TEC: variants seen among roughly 807,000 people sequenced by gnomAD.
The protein encoded by TEC is tec protein tyrosine kinase.
Under a neutral mutation model 93.0 loss-of-function variants are expected in TEC, and 72 were observed. The ratio of observed to expected loss-of-function variants is 0.77; its 90% CI spans 0.64 to 0.94. The LOEUF is 0.94. Ranked by LOEUF, TEC falls within the 40% of genes least tolerant of loss-of-function variation. The probability of loss-of-function intolerance (pLI) is 0.00; values close to 1 mark genes in which losing one functional copy is unlikely to be tolerated. For missense variants in TEC, 630 were observed against 757.9 expected (o/e 0.83, Z 1.98); for synonymous variants, 249 against 247.7 (o/e 1.01, Z -0.05).
chr4:48,155,948 A>T (rs1402664726), intron 9 of TEC: 1 of 152,244 alleles, frequency 6.6e-6, no homozygotes, highest in Non-Finnish European at 1.5e-5. Context: ...TACTTTTGAG[A>T]GCCAAACTGA....
At chr4:48,176,020 A>C in intron 3 of TEC, 62 bp downstream of exon 3, 1 of 1,277,810 alleles carries the variant, frequency 7.8e-7, no homozygotes, top group Non-Finnish European at 1.1e-6. Flanking sequence ...GGAAACTGTA[A>C]TGTCAAAGAG....
chr4:48,150,965 A>T (rs758243415), intron 9 of TEC, 23 bp from the exon 10 acceptor site: 114 of 1,545,976 alleles, frequency 7.4e-5, no homozygotes, highest in Middle Eastern at 5.2e-4. Context: ...TTCAGAAAAA[A>T]TTTTTTTTAC....
intron 10 of TEC, 92 bp downstream of exon 10, chr4:48,150,771 A>G: frequency 1.1e-6 from 1 of 875,406 alleles, no homozygotes; most frequent in East Asian, 2.7e-5. Flanking sequence ...GAAATGCTGC[A>G]TATTTTTATG....
intron 1 of TEC, among the ~76,000 whole-genome samples, chr4:48,234,755 C>T (rs369924069): frequency 8.5e-5 from 13 of 152,104 alleles, no homozygotes; most frequent in African/African-American, 2.9e-4. Flanking sequence ...AGTATGCTCC[C>T]GTGTGGGTGG....
At chr4:48,248,845 C>T (rs1724127499) in intron 1 of TEC, among the ~76,000 whole-genome samples, 1 of 148,886 alleles carries the variant, frequency 6.7e-6, no homozygotes, top group Non-Finnish European at 1.5e-5. Flanking sequence ...ATTGTTGTTT[C>T]TCTCTCTTTG....
At chr4:48,267,796 C>A (rs1724678755) in intron 1 of TEC, among the ~76,000 whole-genome samples, 1 of 152,094 alleles carries the variant, frequency 6.6e-6, no homozygotes, top group Admixed American at 6.5e-5. Flanking sequence ...CTGCCCTGAA[C>A]AACATGGTGA....
chr4:48,209,712 TATAAA>T (rs1722834056), intron 2 of TEC, among the ~76,000 whole-genome samples: 1 of 152,154 alleles, frequency 6.6e-6, no homozygotes, highest in African/African-American at 2.4e-5. Flanking sequence ...TAGCTAAAAC[TATAAA>T]ATAGGAATAC....
intron 8 of TEC, 26 bp from the exon 9 acceptor site, chr4:48,156,760 A>G: frequency 6.3e-7 from 1 of 1,579,986 alleles, no homozygotes; most frequent in South Asian, 1.2e-5. Context: ...AATACATTTC[A>G]GGCCTCAGGT....
intron 11 of TEC, 140 bp from the exon 12 acceptor site, chr4:48,146,539 A>G (rs1719920648): frequency 3.1e-6 from 2 of 654,862 alleles, no homozygotes; most frequent in Non-Finnish European, 5.2e-6. Flanking sequence ...GCACTCTGCT[A>G]TATGCTTTTA....
rs145226100 is a variant in TEC at position 48,146,298 on chromosome 4, C to T, written c.1081+27G>A. 2.8e-4 allele frequency: 452 copies of T among 1,606,348 alleles called. 1 individual carries two copies. The African/African-American group carries it at 5.6e-3, about 20-fold the overall frequency. On this transcript the variant is annotated intron_variant, in intron 12 of 17. Transcript: ENST00000381501. ...ATGGATTCTTTTCAAGGAAAATTAG[C>T]TCATGCAACCACAAAATAAGAGTTA... is the stretch of plus-strand genomic sequence containing the variant.
chr4:48,230,504 G>A (rs1489293696), intron 1 of TEC, among the ~76,000 whole-genome samples: 1 of 152,126 alleles, frequency 6.6e-6, no homozygotes, highest in Non-Finnish European at 1.5e-5. Flanking sequence ...CCCCACATCT[G>A]GACCATGAGA....
intron 2 of TEC, among the ~76,000 whole-genome samples, chr4:48,221,423 C>A (rs1272951176): frequency 6.6e-6 from 1 of 152,130 alleles, no homozygotes; most frequent in Non-Finnish European, 1.5e-5. Flanking sequence ...TGCCACCATG[C>A]GAAGAGGTAT....
Position 48,171,393 on chromosome 4 carries a change from G to A in TEC, c.300C>T (p.Asp100=). 6.2e-7 allele frequency: 1 copy of A among 1,613,544 alleles called. No individual in the cohort carries two copies. ...CTTCTTTTAACTTCTTCACCCACAG[G>A]TCCCTGCTTTGTGGACTAGGTGCAA... ...YIFAPSPQSR[D]LWVKKLKEEI... is the part of the protein sequence containing the mutation. The change falls in exon 4 of 18, where the codon GAC becomes GAT. Residue 100 remains aspartate, a synonymous_variant. Coordinates refer to ENST00000381501, the MANE Select transcript of TEC (RefSeq NM_003215.3).
At chr4:48,185,117 A>G (rs1721762208) in intron 2 of TEC, among the ~76,000 whole-genome samples, 1 of 152,264 alleles carries the variant, frequency 6.6e-6, no homozygotes, top group Non-Finnish European at 1.5e-5. Flanking sequence ...CTAGGGTTAC[A>G]GAGACAAATG....
intron 2 of TEC, among the ~76,000 whole-genome samples, chr4:48,189,278 C>A (rs1470104811): frequency 6.6e-6 from 1 of 152,176 alleles, no homozygotes. Context: ...TCCTTGACCA[C>A]CAGGCCTGCC....
At chr4:48,138,865 T>C in intron 16 of TEC, 39 bp downstream of exon 16, 2 of 1,613,584 alleles carry the variant, frequency 1.2e-6, no homozygotes, top group Admixed American at 1.7e-5. Context: ...ATCCACTTTC[T>C]CCTCAGGGCG....
intron 2 of TEC, among the ~76,000 whole-genome samples, chr4:48,222,463 G>A (rs559098109): frequency 2.0e-5 from 3 of 152,138 alleles, no homozygotes; most frequent in South Asian, 4.2e-4. Flanking sequence ...AAAATTCACC[G>A]ATATGATGCT....
intron 8 of TEC, among the ~76,000 whole-genome samples, chr4:48,157,517 C>T (rs1388526092): frequency 1.3e-5 from 2 of 152,148 alleles, no homozygotes; most frequent in Admixed American, 6.5e-5. Flanking sequence ...CCAATCTGCA[C>T]CGCTTCTTCT....
At chr4:48,263,100 G>A (rs773153823) in intron 1 of TEC, among the ~76,000 whole-genome samples, 16 of 152,172 alleles carry the variant, frequency 1.1e-4, no homozygotes, top group South Asian at 2.1e-4. Flanking sequence ...ATGAAATGAC[G>A]TTGGGAAAGT....
Sources: gnomAD v4.1 joint callset for allele counts (sites outside exome capture counted in the v4.1 genomes callset) on GRCh38, gnomAD v4.1.1 for gene constraint, MANE v1.5 for transcripts, NCBI Gene and HGNC (gene_info 2026-07-23, HGNC 2026-07-21) for gene names.